Variants in HDAC9 observed in about 807,000 individuals in gnomAD.
HDAC9 encodes the protein MEF-2 interacting transcription repressor (MITR) protein.
Under a neutral mutation model 139.4 loss-of-function variants are expected in HDAC9, and 41 were observed. That is an observed-to-expected ratio of 0.29 (90% CI 0.23 to 0.38). HDAC9 has a LOEUF of 0.38. Among genes scored for constraint, HDAC9 ranks in the 10% least tolerant of loss-of-function variants. The pLI is 1.00. For missense variants in HDAC9, 1,147 were observed against 1,297.0 expected, an observed-to-expected ratio of 0.88 and a Z score of 1.78; for synonymous variants, 517 against 476.2, an observed-to-expected ratio of 1.09 and a Z score of -1.12.
chr7:18,792,918 C>A (rs1792453960), intron 16 of HDAC9, among the ~76,000 whole-genome samples: 1 of 152,172 alleles, frequency 6.6e-6, no homozygotes, highest in African/African-American at 2.4e-5. Context: ...AATTTTCCCC[C>A]TCTAGCACTT....
At chr7:18,979,681 G>A (rs1784771024) in intron 25 of HDAC9, among the ~76,000 whole-genome samples, 1 of 152,182 alleles carries the variant, frequency 6.6e-6, no homozygotes. Flanking sequence ...GGCTTCTCCA[G>A]AGGCCTCAGG....
At chr7:18,226,444 C>G (rs746757945) in intron 2 of HDAC9, among the ~76,000 whole-genome samples, 2 of 152,114 alleles carry the variant, frequency 1.3e-5, no homozygotes, top group Non-Finnish European at 2.9e-5. Context: ...AAGAGGCAGA[C>G]TATACATTGC....
At chr7:18,516,937 T>C (rs898444345) in intron 2 of HDAC9, among the ~76,000 whole-genome samples, 1 of 151,502 alleles carries the variant, frequency 6.6e-6, no homozygotes, top group Non-Finnish European at 1.5e-5. Context: ...ATCAAACATC[T>C]GGCATAATGG....
chr7:18,608,309 C>T (rs1010562455), intron 6 of HDAC9, among the ~76,000 whole-genome samples: 1 of 151,986 alleles, frequency 6.6e-6, no homozygotes, highest in Non-Finnish European at 1.5e-5. Context: ...GGGGGACTGG[C>T]TTAAGAACCA....
At chr7:18,569,590 C>G (rs2128737754) in intron 2 of HDAC9, among the ~76,000 whole-genome samples, 1 of 152,280 alleles carries the variant, frequency 6.6e-6, no homozygotes, top group East Asian at 1.9e-4. Flanking sequence ...TTGGCTAATT[C>G]TATAAACAGA....
intron 12 of HDAC9, among the ~76,000 whole-genome samples, chr7:18,704,916 T>C (rs1313709018): frequency 6.6e-6 from 1 of 152,184 alleles, no homozygotes; most frequent in African/African-American, 2.4e-5. Flanking sequence ...AAATGGAATA[T>C]TTTGTTTTAT....
At chr7:18,406,822 T>C (rs1166068021) in intron 1 of HDAC9, among the ~76,000 whole-genome samples, 2 of 152,132 alleles carry the variant, frequency 1.3e-5, no homozygotes, top group African/African-American at 2.4e-5. Context: ...TTGTTTTTTT[T>C]CTCTCTTTTT....
intron 22 of HDAC9, among the ~76,000 whole-genome samples, chr7:18,909,226 A>G (rs902707001): frequency 1.3e-5 from 2 of 151,976 alleles, no homozygotes; most frequent in African/African-American, 2.4e-5. Context: ...TCAATTGTCC[A>G]TTTTTAAATC....
intron 22 of HDAC9, among the ~76,000 whole-genome samples, chr7:18,908,592 C>T (rs901688795): frequency 6.6e-6 from 1 of 152,104 alleles, no homozygotes; most frequent in African/African-American, 2.4e-5. Flanking sequence ...CTACTCTCTA[C>T]TTCCATGACA....
At chr7:18,948,062 A>T (rs972626900) in intron 23 of HDAC9, among the ~76,000 whole-genome samples, 14 of 152,068 alleles carry the variant, frequency 9.2e-5, no homozygotes, top group Admixed American at 2.0e-4. Context: ...GAAATAAAAA[A>T]TGTTTATTAA....
At chr7:18,434,653 C>G (rs996776035) in intron 1 of HDAC9, among the ~76,000 whole-genome samples, 1 of 152,112 alleles carries the variant, frequency 6.6e-6, no homozygotes, top group Admixed American at 6.5e-5. Context: ...CTCAACATCA[C>G]TAATCATTAG....
intron 1 of HDAC9, among the ~76,000 whole-genome samples, chr7:18,153,486 C>A (rs1308713098): frequency 6.6e-6 from 1 of 152,126 alleles, no homozygotes; most frequent in African/African-American, 2.4e-5. Context: ...TTATAAAGTT[C>A]TGTACAAATG....
At chr7:18,725,039 G>C (rs755199440) in intron 12 of HDAC9, among the ~76,000 whole-genome samples, 1 of 152,162 alleles carries the variant, frequency 6.6e-6, no homozygotes, top group Non-Finnish European at 1.5e-5. Flanking sequence ...GCCACACATA[G>C]AGGGGTGATC....
intron 1 of HDAC9, among the ~76,000 whole-genome samples, chr7:18,382,866 T>C (rs1337573740): frequency 6.6e-6 from 1 of 152,190 alleles, no homozygotes; most frequent in African/African-American, 2.4e-5. Flanking sequence ...ACATGAAATA[T>C]ATATCTGTAT....
At chr7:18,538,083 GT>G (rs1175443738) in intron 2 of HDAC9, among the ~76,000 whole-genome samples, 2 of 152,176 alleles carry the variant, frequency 1.3e-5, no homozygotes, top group Non-Finnish European at 2.9e-5. Context: ...AACTACAGTA[GT>G]TTTTTTCTGT....
chr7:18,915,332 G>A (rs1255580856), intron 22 of HDAC9, among the ~76,000 whole-genome samples: 2 of 151,866 alleles, frequency 1.3e-5, no homozygotes, highest in Non-Finnish European at 2.9e-5. Flanking sequence ...ATATTGCTAT[G>A]GCTTTTATCA....
At chr7:18,736,843 G>T (rs184388273) in intron 13 of HDAC9, among the ~76,000 whole-genome samples, 4 of 152,118 alleles carry the variant, frequency 2.6e-5, no homozygotes, top group Admixed American at 6.5e-5. Context: ...GGTAGAATTC[G>T]GGTGTGAATC....
intron 24 of HDAC9, among the ~76,000 whole-genome samples, chr7:18,963,974 C>G (rs1250984764): frequency 2.0e-5 from 3 of 152,134 alleles, no homozygotes; most frequent in Non-Finnish European, 2.9e-5. Context: ...ATCTACCTTA[C>G]CAACAATCCT....
At chr7:18,464,371 T>C (rs910917130) in intron 1 of HDAC9, among the ~76,000 whole-genome samples, 3 of 152,032 alleles carry the variant, frequency 2.0e-5, no homozygotes, top group African/African-American at 7.2e-5. Flanking sequence ...GAATGGTAGG[T>C]AGTGGCTTAA....
Sources: gnomAD v4.1 joint callset for allele counts (sites outside exome capture counted in the v4.1 genomes callset) on GRCh38, gnomAD v4.1.1 for gene constraint, MANE v1.5 for transcripts, NCBI Gene and HGNC (gene_info 2026-07-23, HGNC 2026-07-21) for gene names.